Variants in AFG2B observed in about 807,000 individuals in gnomAD.
AFG2B encodes the protein AAA ATPase AFG2B.
chr15:45,403,018 C>T, the AFG2B span: 1 of 1,583,250 alleles, frequency 6.3e-7, no homozygotes, highest in Non-Finnish European at 8.5e-7. Flanking sequence ...AGCCCAGCCG[C>T]AGCCCGAGGT....
At chr15:45,410,609 C>G in the AFG2B span, 2 of 1,353,802 alleles carry the variant, frequency 1.5e-6, no homozygotes, top group Non-Finnish European at 2.0e-6. Context: ...ACATACTGCG[C>G]TGAAACTGCT....
the AFG2B span, chr15:45,414,662 GT>G: frequency 4.3e-6 from 7 of 1,614,186 alleles, no homozygotes; most frequent in Non-Finnish European, 5.9e-6. Flanking sequence ...CCCCCTGGAT[GT>G]GCTAAAACCA....
At chr15:45,405,655 AT>A in the AFG2B span, 3 of 736,914 alleles carry the variant, frequency 4.1e-6, no homozygotes, top group Non-Finnish European at 6.4e-6. Flanking sequence ...TCAACTCTAT[AT>A]AAATAGTATA....
chr15:45,402,789 A>G, the AFG2B span: 3 of 1,591,582 alleles, frequency 1.9e-6, no homozygotes, highest in Non-Finnish European at 2.6e-6. Context: ...GAGAGCGGGC[A>G]GGCGCGCCCG....
chr15:45,414,539 A>G, the AFG2B span: 44 of 1,595,084 alleles, frequency 2.8e-5, no homozygotes, highest in Non-Finnish European at 3.6e-5. Flanking sequence ...TTATTATACT[A>G]AAACAACTCT....
chr15:45,403,080 C>T, the AFG2B span: 1 of 1,529,460 alleles, frequency 6.5e-7, no homozygotes, highest in South Asian at 1.2e-5. Flanking sequence ...AGCTCCTCCG[C>T]CTCCCGCTCC....
the AFG2B span, among the ~76,000 whole-genome samples, chr15:45,419,149 A>G: frequency 6.6e-6 from 1 of 152,288 alleles, no homozygotes; most frequent in African/African-American, 2.4e-5. Context: ...ATGGCAAGAA[A>G]TAAAGCGAAA....
the AFG2B span, chr15:45,402,874 G>T: frequency 6.3e-7 from 1 of 1,598,466 alleles, no homozygotes. Context: ...CCTGGGCCAC[G>T]TGGTGGTCGC....
At chr15:45,415,512 A>AC in the AFG2B span, 2 of 1,309,074 alleles carry the variant, frequency 1.5e-6, no homozygotes, top group Non-Finnish European at 2.1e-6. Context: ...AAAAAAAAAA[A>AC]CAGGATTATA....
chr15:45,417,308 C>G, the AFG2B span: 1 of 1,614,014 alleles, frequency 6.2e-7, no homozygotes, highest in Non-Finnish European at 8.5e-7. Flanking sequence ...ATGATTATTG[C>G]AGCAACAAAT....
the AFG2B span, chr15:45,414,546 C>T: frequency 1.2e-6 from 2 of 1,602,254 alleles, no homozygotes; most frequent in Non-Finnish European, 1.7e-6. Flanking sequence ...ACTAAAACAA[C>T]TCTTCTCTTT....
chr15:45,418,719 A>G, the AFG2B span: 3 of 1,600,500 alleles, frequency 1.9e-6, no homozygotes, highest in African/African-American at 1.4e-5. Context: ...GGTTCAAAAC[A>G]TTTCTGCATC....
chr15:45,408,771 G>C, the AFG2B span, among the ~76,000 whole-genome samples: 20 of 152,310 alleles, frequency 1.3e-4, no homozygotes, highest in Admixed American at 3.3e-4. Flanking sequence ...TGTAGTCCCA[G>C]CTGCTCAGGA....
the AFG2B span, chr15:45,402,975 C>G: frequency 6.3e-7 from 1 of 1,594,516 alleles, no homozygotes; most frequent in Non-Finnish European, 8.5e-7. Flanking sequence ...CCCCTCGTAC[C>G]CGCGTCAGCC....
the AFG2B span, among the ~76,000 whole-genome samples, chr15:45,409,699 A>G: frequency 6.6e-6 from 1 of 150,890 alleles, no homozygotes. Context: ...CATCTCTACA[A>G]AAAAAAAATA....
chr15:45,417,507 C>A, the AFG2B span: 1 of 1,162,440 alleles, frequency 8.6e-7, no homozygotes, highest in Non-Finnish European at 1.2e-6. Flanking sequence ...TTCTTCCTTG[C>A]CTGGTGGCCT....
At chr15:45,403,422 C>T in the AFG2B span, 31 of 1,609,284 alleles carry the variant, frequency 1.9e-5, no homozygotes, top group Admixed American at 4.9e-4. Flanking sequence ...TGCTGGACGG[C>T]GCCAGTGGGG....
Sources: allele counts gnomAD v4.1 joint callset (sites outside exome capture counted in the v4.1 genomes callset), GRCh38; gene constraint gnomAD v4.1.1; transcripts MANE v1.5; gene names NCBI Gene and HGNC (gene_info 2026-07-23, HGNC 2026-07-21).